VOPP1: variants seen among roughly 807,000 people sequenced by gnomAD.
The protein encoded by VOPP1 is VOPP1 WW domain binding protein.
VOPP1 carries 8 observed loss-of-function variants against 23.5 expected under a neutral mutation model. The ratio of observed to expected loss-of-function variants is 0.34; its 90% confidence interval spans 0.20 to 0.61. VOPP1 has a LOEUF of 0.61. VOPP1 is among the 20% of genes least tolerant of loss of function. VOPP1 has a pLI of 0.78. For missense variants in VOPP1, 174 were observed against 238.1 expected (o/e 0.73, Z 1.77); for synonymous variants, 83 against 97.3 (o/e 0.85, Z 0.86).
At chr7:55,487,684 T>C (rs114229168) in intron 4 of VOPP1, among the ~76,000 whole-genome samples, 5,952 of 152,328 alleles carry the variant, frequency 0.039, 393 homozygotes, top group African/African-American at 0.13. Context: ...TGCACCTTGA[T>C]GGTCTTGCCG....
chr7:55,509,230 T>C (rs1292784948), intron 2 of VOPP1, among the ~76,000 whole-genome samples: 1 of 152,230 alleles, frequency 6.6e-6, no homozygotes, highest in Non-Finnish European at 1.5e-5. Flanking sequence ...GCTCTATTTT[T>C]ACTTGAGTTG....
chr7:55,482,482 A>ATTTTTTTTTTTTTTTT (rs71031859), intron 4 of VOPP1, among the ~76,000 whole-genome samples: 3 of 132,830 alleles, frequency 2.3e-5, no homozygotes, highest in African/African-American at 8.8e-5. Context: ...CACCTGGCTA[A>ATTTTTTTTTTTTTTTT]TTTTTTTTTT....
intron 1 of VOPP1, among the ~76,000 whole-genome samples, chr7:55,541,482 T>C (rs889418346): frequency 1.3e-5 from 2 of 152,222 alleles, no homozygotes; most frequent in Admixed American, 6.5e-5. Flanking sequence ...GGCGAAAATG[T>C]GGAACATTTG....
chr7:55,468,499 G>A (rs148324735), downstream of VOPP1, among the ~76,000 whole-genome samples: 8 of 152,252 alleles, frequency 5.3e-5, no homozygotes, highest in East Asian at 7.8e-4. Context: ...GAGGTGCAAC[G>A]GTCTGGAAAC....
intron 1 of VOPP1, chr7:55,552,616 C>T: frequency 6.5e-7 from 1 of 1,535,920 alleles, no homozygotes; most frequent in Non-Finnish European, 8.7e-7. Flanking sequence ...AGTGCTGGAA[C>T]CAGGTCTGTG....
chr7:55,469,345 T>TG (rs1791715987), downstream of VOPP1, among the ~76,000 whole-genome samples: 1 of 152,162 alleles, frequency 6.6e-6, no homozygotes, highest in African/African-American at 2.4e-5. Context: ...TTTAGATGAC[T>TG]GTCATCTAAA....
intron 4 of VOPP1, among the ~76,000 whole-genome samples, chr7:55,451,750 C>T (rs1469554047): frequency 6.6e-6 from 1 of 152,216 alleles, no homozygotes; most frequent in African/African-American, 2.4e-5. Context: ...AAGATCGTGC[C>T]GCTGCACTCC....
At chr7:55,500,683 T>C (rs80347336) in intron 2 of VOPP1, among the ~76,000 whole-genome samples, 1,669 of 152,312 alleles carry the variant, frequency 0.011, 11 homozygotes, top group Middle Eastern at 0.02. Context: ...GCACTTCTTA[T>C]CTTACACCAG....
At position 55,472,998 on chromosome 7, in the gene VOPP1, C is replaced by T. The variant is rs372184827; in HGVS notation, c.376G>A (p.Gly126Arg). ...PPYYTDPGGP[G>R]MNPVGNSMAM... is the part of the protein sequence containing the mutation. Reference sequence around the variant, plus strand: ...ATGGAATTCCCGACAGGGTTCATCCCCGGTCCTCCTGGGTCGGTGTAATAG... The same window carrying T: ...ATGGAATTCCCGACAGGGTTCATCCTCGGTCCTCCTGGGTCGGTGTAATAG... Residue 126 changes from glycine to arginine, a missense_variant, in exon 5 of 5, where the codon GGG becomes AGG. Gly to Arg is a moderately radical substitution (Grantham distance 125). Coordinates refer to ENST00000285279, the MANE Select transcript of VOPP1 (RefSeq NM_030796.5). The T allele has an allele frequency of 4.7e-5, 75 of 1,596,700 alleles. No individual in the cohort carries two copies. The African/African-American group carries it at 7.8e-4, about 17-fold the overall frequency.
intron 1 of VOPP1, among the ~76,000 whole-genome samples, chr7:55,548,918 G>T (rs946048952): frequency 1.3e-5 from 2 of 152,198 alleles, no homozygotes; most frequent in African/African-American, 4.8e-5. Context: ...CACCCTGGGG[G>T]GATGTTGTTT....
intron 4 of VOPP1, among the ~76,000 whole-genome samples, chr7:55,463,538 A>T (rs1791559625): frequency 6.6e-6 from 1 of 152,194 alleles, no homozygotes; most frequent in Non-Finnish European, 1.5e-5. Context: ...CTTCAGCTAT[A>T]ATCAGTGTCA....
At chr7:55,517,740 C>T (rs980351873) in intron 2 of VOPP1, among the ~76,000 whole-genome samples, 4 of 152,162 alleles carry the variant, frequency 2.6e-5, no homozygotes, top group Admixed American at 6.5e-5. Flanking sequence ...CTCTTGCTTG[C>T]AGCAGACCTC....
downstream of VOPP1, among the ~76,000 whole-genome samples, chr7:55,465,933 C>A (rs1490107703): frequency 6.6e-6 from 1 of 152,128 alleles, no homozygotes; most frequent in Admixed American, 6.5e-5. Flanking sequence ...ATGTCTGTGT[C>A]CCCCCAAATG....
At chr7:55,444,505 A>T (rs1791047057) in intron 4 of VOPP1, among the ~76,000 whole-genome samples, 1 of 151,646 alleles carries the variant, frequency 6.6e-6, no homozygotes, top group Non-Finnish European at 1.5e-5. Context: ...CCTCTACCGC[A>T]TTGTATTCAG....
intron 4 of VOPP1, among the ~76,000 whole-genome samples, chr7:55,447,257 T>C (rs1308767672): frequency 6.6e-6 from 1 of 152,228 alleles, no homozygotes; most frequent in African/African-American, 2.4e-5. Context: ...AACAGTGGAA[T>C]TGTTCTATCC....
At chr7:55,564,707 A>G (rs1798108462) in intron 1 of VOPP1, among the ~76,000 whole-genome samples, 1 of 152,210 alleles carries the variant, frequency 6.6e-6, no homozygotes, top group Admixed American at 6.5e-5. Flanking sequence ...ACCTGGGCAC[A>G]GGAAACTTGC....
chr7:55,435,476 A>G (rs113644674), downstream of VOPP1, among the ~76,000 whole-genome samples: 8 of 152,150 alleles, frequency 5.3e-5, no homozygotes, highest in African/African-American at 1.9e-4. Flanking sequence ...ATCAGTGTCA[A>G]AGTCCAGCGT....
At chr7:55,486,497 G>A (rs1353047563) in intron 4 of VOPP1, among the ~76,000 whole-genome samples, 2 of 152,172 alleles carry the variant, frequency 1.3e-5, no homozygotes, top group African/African-American at 2.4e-5. Context: ...TAAGAATAAC[G>A]GAGACAGAGA....
intron 1 of VOPP1, among the ~76,000 whole-genome samples, chr7:55,548,430 C>A (rs557023037): frequency 6.6e-6 from 1 of 152,212 alleles, no homozygotes; most frequent in African/African-American, 2.4e-5. Flanking sequence ...CTCGGGGATA[C>A]CCCGGGGGAT....
Sources: allele counts gnomAD v4.1 joint callset (sites outside exome capture counted in the v4.1 genomes callset), GRCh38; gene constraint gnomAD v4.1.1; transcripts MANE v1.5; gene names NCBI Gene and HGNC (gene_info 2026-07-23, HGNC 2026-07-21).